Variants in PRR36 observed in about 807,000 individuals in gnomAD.
PRR36 encodes proline rich 36.
PRR36 carries 30 observed loss-of-function variants against 58.6 expected under a neutral mutation model. The ratio of observed to expected loss-of-function variants is 0.51; its 90% CI spans 0.38 to 0.69. The LOEUF is 0.69. PRR36 is among the 30% of genes least tolerant of loss of function. The pLI is 0.00. For missense variants in PRR36, 1,692 were observed against 1,805.6 expected (o/e 0.94, Z 1.14); for synonymous variants, 771 against 829.3 (o/e 0.93, Z 1.21).
Position 7,869,787 on chromosome 19 carries a change from C to G in PRR36, c.3457G>C (p.Glu1153Gln), listed in dbSNP as rs1375959382. Residue 1153 changes from glutamate (E) to glutamine (Q), a missense_variant, in exon 5 of 6, where the codon GAG becomes CAG. This residue lies in a region of PRR36 where 485 missense variants were observed against 549.2 expected (regional missense o/e 0.88). Coordinates refer to ENST00000618550, the MANE Select transcript of PRR36 (RefSeq NM_001190467.2). ...GCAGCCGGGTGGCAAGCGGCGAGCT[C>G]TGCGTCGGGGGGCGGGGAGGCTGCG... ...GAAASPPPDAELAACHPAAWS... is the reference protein window; with the variant it reads ...GAAASPPPDAQLAACHPAAWS... 2 of 1,357,496 alleles carry G rather than the reference C, an allele frequency of 1.5e-6. No individual in the cohort carries two copies. Among genetic ancestry groups the G allele is most frequent in the East Asian group, 6.2e-5 (2 of 32,302 alleles). The allele number at this position is 1,357,496 out of a possible 1,614,324, so 84.1% of individuals were successfully genotyped here. A position where few individuals can be genotyped will look rare whatever the true frequency, so the allele number is the denominator to read the frequency against.
At position 7,869,332 on chromosome 19, in the gene PRR36, G is replaced by A; in HGVS notation, c.3742C>T (p.Pro1248Ser). The A allele has an allele frequency of 7.0e-7, 1 of 1,427,344 alleles. No individual in the cohort carries two copies. Among genetic ancestry groups the A allele is most frequent in the South Asian group, 1.4e-5 (1 of 69,444 alleles). The allele number at this position is 1,427,344 out of a possible 1,614,324, so 88.4% of individuals were successfully genotyped here. A position where few individuals can be genotyped will look rare whatever the true frequency, so the allele number is the denominator to read the frequency against. The change falls in exon 6 of 6, where the codon CCA (proline) becomes TCA (serine). Residue 1248 changes from proline to serine, a missense_variant. Transcript: ENST00000618550. ...ACGCTCGCCTGCAGCGCCCCCAGTG[G>A]CAGCTCGCCCAGGCGCGCCTGCTTC... ...SPKQARLGEL[P>S]LGALQASVVQ...
rs1207195449 is a variant in PRR36 at position 7,869,744 on chromosome 19, G to A, written c.3500C>T (p.Ala1167Val). 7.4e-7 allele frequency: 1 copy of A among 1,348,256 alleles called. No individual in the cohort carries two copies. The highest frequency in any genetic ancestry group is 9.5e-7 in the Non-Finnish European group (1 of 1,054,816). The allele number at this position is 1,348,256 out of a possible 1,614,324, so 83.5% of individuals were successfully genotyped here. A position where few individuals can be genotyped will look rare whatever the true frequency, so the allele number is the denominator to read the frequency against. The change falls in exon 5 of 6, where the codon GCT becomes GTT. Residue 1167 changes from alanine to valine, a missense_variant. Around this residue, in one of 5 missense-constraint regions of PRR36, gnomAD observed 485 missense variants for 549.2 expected, o/e 0.88. Transcript: ENST00000618550. ...GGCTCCGCGGAAAGCCAGCGGCGGA[G>A]CGGGGCCTCGACTCCAGGCAGCCGG... ...CHPAAWSRGP[A>V]PPLAFRGAPG... is the part of the protein sequence containing the mutation.
Position 7,870,273 on chromosome 19 carries a change from G to A in PRR36, c.2971C>T (p.Pro991Ser). 2 of 1,352,350 alleles carry A rather than the reference G, an allele frequency of 1.5e-6. No homozygotes were observed. Among genetic ancestry groups the A allele is most frequent in the Non-Finnish European group, 1.9e-6 (2 of 1,058,380 alleles). The allele number at this position is 1,352,350 out of a possible 1,614,324, so 83.8% of individuals were successfully genotyped here. ...PLLAAPPLQV[P>S]PSPPASLPMS... ...GGGAGTGAGGCAGGGGGAGAGGGCG[G>A]GACCTGCAGAGGAGGAGCGGCAAGA... The change falls in exon 5 of 6, where the codon CCG becomes TCG. Residue 991 changes from proline (P) to serine (S), a missense_variant. Physicochemically the swap from Pro to Ser is moderately conservative, Grantham distance 74. This residue lies in a region of PRR36 where 485 missense variants were observed against 549.2 expected (regional missense o/e 0.88). Transcript: ENST00000618550.
In PRR36 at chr19:7,871,791, G is replaced by A; in HGVS notation, c.1453C>T (p.Pro485Ser). 6.5e-7 allele frequency: 1 copy of A among 1,535,498 alleles called. No homozygotes were observed. The highest frequency in any genetic ancestry group is 8.7e-7 in the Non-Finnish European group (1 of 1,146,720). The change falls in exon 5 of 6, where the codon CCT becomes TCT. Residue 485 changes from proline to serine, a missense_variant. By Grantham distance (74) the Pro-to-Ser change is moderately conservative. Coordinates refer to ENST00000618550, the MANE Select transcript of PRR36 (RefSeq NM_001190467.2). ...GTCAGAGCAGAAAGGCCTGGCTGAG[G>A]GAGTGCGGCCAGGGGAAAAGCCGAA... Reference protein sequence around the residue: ...GNSAFPLAALPQPGLSALTTP... With the variant: ...GNSAFPLAALSQPGLSALTTP...
Position 7,871,802 on chromosome 19 carries a change from AG to A in PRR36, c.1441del (p.Leu481TrpfsTer12). On this transcript the variant is annotated frameshift_variant, in exon 5 of 6. Coordinates refer to ENST00000618550, the MANE Select transcript of PRR36 (RefSeq NM_001190467.2). LOFTEE classifies it high-confidence loss of function. The part of the protein sequence containing the change: ...ATSLGNSAFP[L>X]AALPQPGLSA... ...AAGGCCTGGCTGAGGGAGTGCGGCCAGGGGAAAAGCCGAATTCCCCAGAGAT... is the reference window on the plus strand; with the variant it reads ...AAGGCCTGGCTGAGGGAGTGCGGCCAGGGAAAAGCCGAATTCCCCAGAGAT... 1.3e-6 allele frequency: 2 copies of A among 1,535,324 alleles called. No homozygotes were observed. Among genetic ancestry groups the A allele is most frequent in the Non-Finnish European group, 1.7e-6 (2 of 1,146,698 alleles).
In PRR36 at chr19:7,873,494, C is replaced by A. The variant is rs1032544718; in HGVS notation, c.196G>T (p.Gly66Cys). 3.3e-5 allele frequency: 50 copies of A among 1,535,388 alleles called. No homozygotes were observed. The highest frequency in any genetic ancestry group is 4.4e-5 in the Non-Finnish European group (50 of 1,146,822). Residue 66 changes from glycine to cysteine, a missense_variant, in exon 2 of 6, where the codon GGC becomes TGC. Physicochemically the swap from Gly to Cys is radical, Grantham distance 159. Transcript: ENST00000618550. This position sits in a 1 kb window ranked among gnomAD's most constrained non-coding sequence, Gnocchi z 5.0. ...GCAGACTCGGGAATAGTGGCCCCGCCGATGCCCCCCGCTCGCTCTGCCAGA... is the reference window on the plus strand; with the variant it reads ...GCAGACTCGGGAATAGTGGCCCCGCAGATGCCCCCCGCTCGCTCTGCCAGA... ...KPLAERAGGIGGATIPESAPR... is the reference protein window; with the variant it reads ...KPLAERAGGICGATIPESAPR...
rs779183744 is a variant in PRR36, at chr19:7,869,494, G to C, written c.3580C>G (p.Leu1194Val). The change falls in exon 6 of 6, where the codon CTG becomes GTG. Residue 1194 changes from leucine (L) to valine (V), a missense_variant. Leu to Val is a conservative substitution (Grantham distance 32). Coordinates refer to ENST00000618550, the MANE Select transcript of PRR36 (RefSeq NM_001190467.2). ...CCTTCAGTCTCGTAGATGGTGCACA[G>C]ACCGTCAGCAGAGCCCGGTCCGGTA... ...PATGPGSADG[L>V]CTIYETEGPE... The C allele has an allele frequency of 1.3e-6, 2 of 1,520,094 alleles. No individual in the cohort carries two copies. Among genetic ancestry groups the C allele is most frequent in the South Asian group, 2.4e-5 (2 of 83,204 alleles). 94.2% of individuals were successfully genotyped at this position (1,520,094 alleles called of 1,614,324 possible). A position where few individuals can be genotyped will look rare whatever the true frequency, so the allele number is the denominator to read the frequency against.
Position 7,873,830 on chromosome 19 carries a change from T to TTTTA in PRR36, c.-7-135_-7-134insTAAA. The TTTTA allele has an allele frequency of 1.3e-6, 1 of 786,814 alleles. No homozygotes were observed. The highest frequency in any genetic ancestry group is 2.9e-5 in the East Asian group (1 of 33,902). The allele number at this position is 786,814 out of a possible 1,614,324, so 48.7% of individuals were successfully genotyped here. A position where few individuals can be genotyped will look rare whatever the true frequency, so the allele number is the denominator to read the frequency against. On this transcript the variant is annotated intron_variant, in intron 1 of 5. Coordinates refer to ENST00000618550, the MANE Select transcript of PRR36 (RefSeq NM_001190467.2). This position sits in a 1 kb window ranked among gnomAD's most constrained non-coding sequence, Gnocchi z 5.0. The stretch of plus-strand genomic sequence containing the variant: ...ACTCAAACCTCGGCCTCGGCTTCCA[T>TTTTA]CCGCTCGGCTCCCACGCACCTACAC...
chr19:7,871,390 G>A lies in PRR36; in HGVS notation c.1854C>T (p.Gly618=), dbSNP rs1459576547. ...AATGTGTGGCCTGCAGAGTGGGTGA[G>A]CCCAAAGAAGTTGTGGCCTGCAGAG... ...LSSLQATTSL[G]SPTLQATHSF... Residue 618 remains glycine, a synonymous_variant, in exon 5 of 6, where the codon GGC becomes GGT. Transcript: ENST00000618550. 2.6e-6 allele frequency: 4 copies of A among 1,535,664 alleles called. No homozygotes were observed. The African/African-American group carries it at 4.1e-5, about 16-fold the overall frequency.
In PRR36 at chr19:7,873,344, G is replaced by T. The variant is rs1416868446; in HGVS notation, c.272-45C>A. 8 of 1,520,588 alleles carry T rather than the reference G, an allele frequency of 5.3e-6. No homozygotes were observed. The highest frequency in any genetic ancestry group is 7.0e-6 in the Non-Finnish European group (8 of 1,137,890). 94.2% of individuals were successfully genotyped at this position (1,520,588 alleles called of 1,614,324 possible). On this transcript the variant is annotated intron_variant, in intron 2 of 5. Transcript: ENST00000618550. This position sits in a 1 kb window ranked among gnomAD's most constrained non-coding sequence, Gnocchi z 5.0. Reference sequence around the variant, plus strand: ...TCACAGGTGCCCCGGAGAGGTGGCAGTGGAGGTGAGACTGGACAGGTATTG... The same window carrying T: ...TCACAGGTGCCCCGGAGAGGTGGCATTGGAGGTGAGACTGGACAGGTATTG...
chr19:7,871,115 G>A lies in PRR36; in HGVS notation c.2129C>T (p.Pro710Leu). 2 of 1,534,986 alleles carry A rather than the reference G, an allele frequency of 1.3e-6. No individual in the cohort carries two copies. Among genetic ancestry groups the A allele is most frequent in the South Asian group, 1.2e-5 (1 of 83,982 alleles). ...QAPLSSLIMP[P>L]LETQSSLAPP... ...GGCTAGGGAAGATTGGGTCTCCAGA[G>A]GGGGCATGATCAGGGAAGAGAGAGG... is the stretch of plus-strand genomic sequence containing the variant. The change falls in exon 5 of 6, where the codon CCT becomes CTT. Residue 710 changes from proline to leucine, a missense_variant. Pro to Leu is a moderately conservative substitution (Grantham distance 98, BLOSUM62 -3). This residue lies in a region of PRR36 where 975 missense variants were observed against 955.2 expected (regional missense o/e 1.02). Coordinates refer to ENST00000618550, the MANE Select transcript of PRR36 (RefSeq NM_001190467.2).
rs1389890398 is a variant in PRR36 at position 7,873,390 on chromosome 19, G to T, written c.271+29C>A. The T allele has an allele frequency of 4.6e-6, 7 of 1,519,574 alleles. No individual in the cohort carries two copies. The highest frequency in any genetic ancestry group is 4.0e-5 in the Admixed American group (2 of 49,996). 94.1% of individuals were successfully genotyped at this position (1,519,574 alleles called of 1,614,324 possible). A position where few individuals can be genotyped will look rare whatever the true frequency, so the allele number is the denominator to read the frequency against. On this transcript the variant is annotated intron_variant, in intron 2 of 5. Transcript: ENST00000618550. This position sits in a 1 kb window ranked among gnomAD's most constrained non-coding sequence, Gnocchi z 5.0. ...TATTGGAAGGGGGAGGGAAGATGGGGGCGGAGCTGAGGAAGGAGGCTGGGG... is the reference window on the plus strand; with the variant it reads ...TATTGGAAGGGGGAGGGAAGATGGGTGCGGAGCTGAGGAAGGAGGCTGGGG...
chr19:7,872,672 CG>C lies in PRR36; in HGVS notation c.571del (p.Arg191GlyfsTer19). 2.1e-6 allele frequency: 3 copies of C among 1,455,634 alleles called. No individual in the cohort carries two copies. Among genetic ancestry groups the C allele is most frequent in the Non-Finnish European group, 1.8e-6 (2 of 1,109,588 alleles). 90.2% of individuals were successfully genotyped at this position (1,455,634 alleles called of 1,614,324 possible). A position where few individuals can be genotyped will look rare whatever the true frequency, so the allele number is the denominator to read the frequency against. Reference protein sequence around the residue: ...RAAGTEVGLPRPAPSARPRPP... With the variant: ...RAAGTEVGLPXPAPSARPRPP... The stretch of plus-strand genomic sequence containing the variant: ...CCGTGGCCGGGCACTCGGAGCTGGC[CG>C]GGGGAGCCCCACCTCGGTGCCCGCA... On this transcript the variant is annotated frameshift_variant, in exon 5 of 6. Transcript: ENST00000618550. LOFTEE classifies it high-confidence loss of function. The surrounding 1 kb of genome is among the most constrained non-coding windows in gnomAD (Gnocchi z 6.1).
Position 7,873,114 on chromosome 19 carries a change from C to T in PRR36, c.374+83G>A. On this transcript the variant is annotated intron_variant, in intron 3 of 5. Coordinates refer to ENST00000618550, the MANE Select transcript of PRR36 (RefSeq NM_001190467.2). This position sits in a 1 kb window ranked among gnomAD's most constrained non-coding sequence, Gnocchi z 5.0. ...CCAGTGACCTGCAAGTGCTCCCGCG[C>T]CCCAACTCGTGTAAAATAAAAGGTT... 1 of 1,424,502 alleles carries T rather than the reference C, an allele frequency of 7.0e-7. No individual in the cohort carries two copies. The highest frequency in any genetic ancestry group is 9.5e-7 in the Non-Finnish European group (1 of 1,048,032). The allele number at this position is 1,424,502 out of a possible 1,614,324, so 88.2% of individuals were successfully genotyped here. A position where few individuals can be genotyped will look rare whatever the true frequency, so the allele number is the denominator to read the frequency against.
rs1980227017 is a variant in PRR36 at position 7,868,878 on chromosome 19, C to A, written c.*155G>T. The A allele has an allele frequency of 4.5e-6, 4 of 887,616 alleles. No individual in the cohort carries two copies. The highest frequency in any genetic ancestry group is 1.8e-5 in the African/African-American group (1 of 56,768). 55.0% of individuals were successfully genotyped at this position (887,616 alleles called of 1,614,324 possible). ...GTCAAAGCTGTGGGTAGGTCCCGAG[C>A]CTCCGAGGCCAAAGGCTCAGGCTCT... On this transcript the variant is annotated 3_prime_UTR_variant, in exon 6 of 6. Transcript: ENST00000618550.
At position 7,872,954 on chromosome 19, in the gene PRR36, G is replaced by A. The variant is rs2145072294; in HGVS notation, c.382C>T (p.Pro128Ser). ...ATCCGGAGTCCCTTCTGGCCAAGAG[G>A]GCCTGGCCTGGAGACAGAAGGGGCC... ...GRASGTTRPG[P>S]LGQKGLRISA... The change falls in exon 4 of 6, where the codon CCT (proline) becomes TCT (serine). Residue 128 changes from proline (P) to serine (S), a missense_variant. By Grantham distance (74) the Pro-to-Ser change is moderately conservative. Around this residue, in one of 5 missense-constraint regions of PRR36, gnomAD observed 975 missense variants for 955.2 expected, o/e 1.02. Transcript: ENST00000618550. The surrounding 1 kb of genome is among the most constrained non-coding windows in gnomAD (Gnocchi z 6.1). 1.3e-6 allele frequency: 2 copies of A among 1,535,766 alleles called. No individual in the cohort carries two copies. The highest frequency in any genetic ancestry group is 2.4e-5 in the East Asian group (1 of 40,912).
At position 7,871,888 on chromosome 19, in the gene PRR36, G is replaced by A. The variant is rs1474316877; in HGVS notation, c.1356C>T (p.Pro452=). ...TGGCTGACAGAGGAGGTGTGGCCAA[G>A]GGAGAGAGGAGAGTCGGAAGAGAGG... ...ALPSLPTLLS[P]LATPPLSAMS... Residue 452 remains proline, a synonymous_variant, in exon 5 of 6, where the codon CCC becomes CCT. Coordinates refer to ENST00000618550, the MANE Select transcript of PRR36 (RefSeq NM_001190467.2). 12 of 1,535,962 alleles carry A rather than the reference G, an allele frequency of 7.8e-6. No individual in the cohort carries two copies. Among genetic ancestry groups the A allele is most frequent in the South Asian group, 2.4e-5 (2 of 84,058 alleles).
Position 7,873,376 on chromosome 19 carries a change from G to A in PRR36, c.271+43C>T, listed in dbSNP as rs1213769234. 2 of 1,517,660 alleles carry A rather than the reference G, an allele frequency of 1.3e-6. No individual in the cohort carries two copies. The highest frequency in any genetic ancestry group is 1.8e-6 in the Non-Finnish European group (2 of 1,135,540). 94.0% of individuals were successfully genotyped at this position (1,517,660 alleles called of 1,614,324 possible). On this transcript the variant is annotated intron_variant, in intron 2 of 5. Coordinates refer to ENST00000618550, the MANE Select transcript of PRR36 (RefSeq NM_001190467.2). This position sits in a 1 kb window ranked among gnomAD's most constrained non-coding sequence, Gnocchi z 5.0. The stretch of plus-strand genomic sequence containing the variant: ...TGAGACTGGACAGGTATTGGAAGGG[G>A]GAGGGAAGATGGGGGCGGAGCTGAG...
Position 7,870,519 on chromosome 19 carries a change from G to T in PRR36, c.2725C>A (p.Pro909Thr). The T allele has an allele frequency of 1.5e-6, 1 of 655,844 alleles. No homozygotes were observed. Among genetic ancestry groups the T allele is most frequent in the Non-Finnish European group, 1.9e-6 (1 of 531,270 alleles). The allele number at this position is 655,844 out of a possible 1,614,324, so 40.6% of individuals were successfully genotyped here. ...FSPPASPPVS[P>T]SATPPSQAPP... ...GCCTGTGAAGGGGGCGTGGCCGAAG[G>T]AGACACTGGGGGTGAGGCAGGGGGA... The change falls in exon 5 of 6, where the codon CCT becomes ACT. Residue 909 changes from proline (P) to threonine (T), a missense_variant. Physicochemically the swap from Pro to Thr is conservative, Grantham distance 38. This residue lies in a region of PRR36 where 171 missense variants were observed against 146.2 expected (regional missense o/e 1.17). Transcript: ENST00000618550.
Sources: allele counts gnomAD v4.1 joint callset, GRCh38; gene constraint gnomAD v4.1.1; regional missense constraint gnomAD v4.1.1; non-coding constraint Gnocchi (gnomAD v3.1); transcripts MANE v1.5; gene names NCBI Gene and HGNC (gene_info 2026-07-23, HGNC 2026-07-21).